Variants in ABHD6 observed in about 807,000 individuals in gnomAD.
ABHD6 encodes monoacylglycerol lipase ABHD6.
In ABHD6, 33 loss-of-function variants were observed where a neutral mutation model predicts 38.8. The observed-to-expected ratio is 0.85, with a 90% CI of 0.64 to 1.14. The LOEUF (loss-of-function observed/expected upper bound fraction) is 1.14. Among genes scored for constraint, ABHD6 ranks in the 50% most tolerant of loss-of-function variants. The pLI is 0.00. For synonymous variants in ABHD6, 147 were observed against 161.6 expected, an observed-to-expected ratio of 0.91 and a Z score of 0.69; for missense variants, 380 against 422.6, an observed-to-expected ratio of 0.90 and a Z score of 0.88.
At chr3:58,290,748 G>T (rs1267649303) in intron 9 of ABHD6, among the ~76,000 whole-genome samples, 1 of 151,428 alleles carries the variant, frequency 6.6e-6, no homozygotes, top group African/African-American at 2.4e-5. Flanking sequence ...ACGGGCCGGC[G>T]GGGCAAAGGC....
intron 6 of ABHD6, 83 bp from the exon 7 acceptor site, chr3:58,274,575 C>G: frequency 2.1e-6 from 3 of 1,405,926 alleles, no homozygotes; most frequent in Non-Finnish European, 2.9e-6. Context: ...TAACTCTGGG[C>G]TGCTGTCAGA....
At chr3:58,286,846 G>GTATATATATATATATATATATATA (rs57921434) in intron 9 of ABHD6, among the ~76,000 whole-genome samples, 4 of 90,224 alleles carry the variant, frequency 4.4e-5, no homozygotes, top group East Asian at 4.7e-4. Flanking sequence ...GTGTGTGTGT[G>GTATATATATATATATATATATATA]TGTGTGTATA....
intron 1 of ABHD6, among the ~76,000 whole-genome samples, chr3:58,242,868 C>T (rs1412120018): frequency 1.3e-5 from 2 of 152,182 alleles, no homozygotes; most frequent in Non-Finnish European, 2.9e-5. Flanking sequence ...CTATCCCTCC[C>T]CCATCCCCCT....
At chr3:58,278,023 A>C (rs181812799) in intron 7 of ABHD6, among the ~76,000 whole-genome samples, 33 of 152,124 alleles carry the variant, frequency 2.2e-4, no homozygotes. Context: ...TTTATTGAGG[A>C]TTTTCACATC....
chr3:58,291,152 G>A (rs1260550476), intron 9 of ABHD6, among the ~76,000 whole-genome samples: 8 of 151,354 alleles, frequency 5.3e-5, no homozygotes, highest in Non-Finnish European at 7.4e-5. Flanking sequence ...CGAGGCTGGC[G>A]GATCACTCGC....
At chr3:58,264,387 GCACACA>G (rs61099164) in intron 3 of ABHD6, among the ~76,000 whole-genome samples, 6,531 of 132,166 alleles carry the variant, frequency 0.049, 350 homozygotes, top group East Asian at 0.15. Flanking sequence ...TTATATAAAC[GCACACA>G]CACACACACA....
chr3:58,268,607 T>A (rs1193239361), intron 4 of ABHD6, among the ~76,000 whole-genome samples: 1 of 152,188 alleles, frequency 6.6e-6, no homozygotes, highest in African/African-American at 2.4e-5. Flanking sequence ...AGGTGAAGAC[T>A]CACACACCCT....
intron 2 of ABHD6, among the ~76,000 whole-genome samples, chr3:58,252,252 T>TTTTTTG (rs1272309774): frequency 6.7e-6 from 1 of 148,998 alleles, no homozygotes; most frequent in African/African-American, 2.5e-5. Context: ...TTTTTTTTTT[T>TTTTTTG]GGAACAGTCT....
chr3:58,270,414 A>G (rs996598505), intron 5 of ABHD6, among the ~76,000 whole-genome samples: 4 of 151,600 alleles, frequency 2.6e-5, no homozygotes, highest in Non-Finnish European at 5.9e-5. Flanking sequence ...GCAACAGATC[A>G]TATGGCTCTC....
intron 9 of ABHD6, among the ~76,000 whole-genome samples, chr3:58,286,868 A>ATATATATATATG (rs1559784516): frequency 5.5e-5 from 7 of 128,306 alleles, no homozygotes; most frequent in Admixed American, 1.6e-4. Context: ...ATATATATAT[A>ATATATATATATG]TGTATATGTA....
chr3:58,261,805 G>A (rs551216770), intron 3 of ABHD6, among the ~76,000 whole-genome samples: 1 of 152,298 alleles, frequency 6.6e-6, no homozygotes, highest in South Asian at 2.1e-4. Flanking sequence ...TCCCCAGAAA[G>A]TTATACATTT....
intron 3 of ABHD6, among the ~76,000 whole-genome samples, chr3:58,264,387 G>GCA (rs61099164): frequency 0.022 from 2,884 of 132,150 alleles, 87 homozygotes; most frequent in Middle Eastern, 0.043. Context: ...TTATATAAAC[G>GCA]CACACACACA....
rs1191245723 is a variant in ABHD6, at chr3:58,269,125, C to G, written c.277-196C>G. Among the ~76,000 whole-genome samples, 1 of 152,194 alleles carries G rather than the reference C, an allele frequency of 6.6e-6. No individual in the cohort carries two copies. Among genetic ancestry groups the G allele is most frequent in the Non-Finnish European group, 1.5e-5 (1 of 68,026 alleles). On this transcript the variant is annotated intron_variant, in intron 4 of 9. Coordinates refer to ENST00000478253, the MANE Select transcript of ABHD6 (RefSeq NM_001320126.2). The surrounding 1 kb of genome is among the most constrained non-coding windows in gnomAD (Gnocchi z 4.4). Reference sequence around the variant, plus strand: ...GAGCCTGCTTCCATCTATGTATTAGCCTTTGTGGGCCTCTGCTCCCGATGA... The same window carrying G: ...GAGCCTGCTTCCATCTATGTATTAGGCTTTGTGGGCCTCTGCTCCCGATGA...
At chr3:58,254,957 A>T (rs1236259769) in intron 2 of ABHD6, among the ~76,000 whole-genome samples, 2 of 151,884 alleles carry the variant, frequency 1.3e-5, no homozygotes, top group African/African-American at 4.8e-5. Context: ...GCCTCAAGTG[A>T]TCCTTCCACC....
chr3:58,258,568 G>A, intron 3 of ABHD6: 2 of 295,386 alleles, frequency 6.8e-6, no homozygotes, highest in Non-Finnish European at 1.4e-5. Context: ...CCCCCATGGT[G>A]TACATCCCCT....
intron 7 of ABHD6, among the ~76,000 whole-genome samples, chr3:58,276,584 A>G (rs955536687): frequency 6.6e-6 from 1 of 152,122 alleles, no homozygotes; most frequent in African/African-American, 2.4e-5. Context: ...CTCTGATGGC[A>G]GTTTCTTTTG....
In ABHD6 at chr3:58,267,599, A is replaced by C. The variant is rs1382083128; in HGVS notation, c.276+254A>C. Among the ~76,000 whole-genome samples the C allele has an allele frequency of 6.6e-6, 1 of 152,150 alleles. No individual in the cohort carries two copies. The highest frequency in any genetic ancestry group is 6.5e-5 in the Admixed American group (1 of 15,274). ...AAGATTGCTTGAGCCTGGGGGGTCA[A>C]GTCTTCAGTGAGCAATGATCATGCC... On this transcript the variant is annotated intron_variant, in intron 4 of 9. Transcript: ENST00000478253. The surrounding 1 kb of genome is among the most constrained non-coding windows in gnomAD (Gnocchi z 4.3).
chr3:58,283,907 T>C (rs1269629247), intron 7 of ABHD6, among the ~76,000 whole-genome samples: 3 of 152,236 alleles, frequency 2.0e-5, no homozygotes, highest in Non-Finnish European at 2.9e-5. Flanking sequence ...ATTGTCATTG[T>C]CCTCATGTCC....
Position 58,267,382 on chromosome 3 carries a change from G to C in ABHD6, c.276+37G>C. 1 of 1,611,772 alleles carries C rather than the reference G, an allele frequency of 6.2e-7. No homozygotes were observed. The highest frequency in any genetic ancestry group is 8.5e-7 in the Non-Finnish European group (1 of 1,178,966). Reference sequence around the variant, plus strand: ...GATTCTTCTCTCTTATAAGAAAAGGGAGTTGGGTGCTGTGGCTCATGCCTA... The same window carrying C: ...GATTCTTCTCTCTTATAAGAAAAGGCAGTTGGGTGCTGTGGCTCATGCCTA... On this transcript the variant is annotated intron_variant, in intron 4 of 9. Transcript: ENST00000478253. This position sits in a 1 kb window ranked among gnomAD's most constrained non-coding sequence, Gnocchi z 4.3.
Sources: allele counts gnomAD v4.1 joint callset (sites outside exome capture counted in the v4.1 genomes callset), GRCh38; gene constraint gnomAD v4.1.1; non-coding constraint Gnocchi (gnomAD v3.1); transcripts MANE v1.5; gene names NCBI Gene and HGNC (gene_info 2026-07-23, HGNC 2026-07-21).